Variants in PPP1R12B observed in about 807,000 individuals in gnomAD.
The protein encoded by PPP1R12B is myosin phosphatase target subunit 2.
A neutral mutation model predicts 126.1 loss-of-function variants in PPP1R12B; 76 were observed. That is an observed-to-expected ratio of 0.60 (90% CI 0.50 to 0.73). The LOEUF (loss-of-function observed/expected upper bound fraction) is 0.73, where lower values mean the gene tolerates loss of function less well. Among genes scored for constraint, PPP1R12B ranks in the 30% least tolerant of loss-of-function variants. The pLI is 0.00. For synonymous variants in PPP1R12B, 356 were observed against 434.7 expected (o/e 0.82, Z 2.25); for missense variants, 1,052 against 1,205.1 (o/e 0.87, Z 1.88).
intron 13 of PPP1R12B, among the ~76,000 whole-genome samples, chr1:202,462,357 A>C (rs1190867853): frequency 6.6e-6 from 1 of 152,070 alleles, no homozygotes; most frequent in Non-Finnish European, 1.5e-5. Context: ...ACACCATCTC[A>C]CTTCATTTTC....
At chr1:202,446,254 A>ATTTTTTTTT (rs879273755) in intron 12 of PPP1R12B, among the ~76,000 whole-genome samples, 4 of 47,188 alleles carry the variant, frequency 8.5e-5, no homozygotes, top group African/African-American at 2.0e-4. Flanking sequence ...ATATATATAT[A>ATTTTTTTTT]TATTTTTTTT....
chr1:202,538,720 A>G (rs749166108), intron 18 of PPP1R12B, among the ~76,000 whole-genome samples: 8 of 152,246 alleles, frequency 5.3e-5, no homozygotes, highest in Admixed American at 2.6e-4. Flanking sequence ...TGGTAACAAC[A>G]AAGTGCAAAA....
intron 1 of PPP1R12B, among the ~76,000 whole-genome samples, chr1:202,390,436 A>G (rs374139428): frequency 1.3e-5 from 2 of 152,344 alleles, no homozygotes; most frequent in South Asian, 2.1e-4. Context: ...AGGTTCTTAG[A>G]TATGTCACCA....
intron 1 of PPP1R12B, among the ~76,000 whole-genome samples, chr1:202,362,424 C>T (rs1261307485): frequency 6.6e-6 from 1 of 152,204 alleles, no homozygotes; most frequent in Non-Finnish European, 1.5e-5. Context: ...AGAGTTCCTA[C>T]AGCACAAGGA....
chr1:202,573,017 C>G (rs764122302), intron 23 of PPP1R12B, among the ~76,000 whole-genome samples: 4 of 152,204 alleles, frequency 2.6e-5, no homozygotes, highest in Admixed American at 1.3e-4. Flanking sequence ...TTTCATCATT[C>G]ATGTCTTTAA....
chr1:202,532,031 T>A (rs1394270216), intron 18 of PPP1R12B, among the ~76,000 whole-genome samples: 1 of 152,204 alleles, frequency 6.6e-6, no homozygotes, highest in African/African-American at 2.4e-5. Context: ...TTATGGTTAC[T>A]TCTTGATTAT....
chr1:202,567,043 C>T (rs777309684), intron 21 of PPP1R12B, among the ~76,000 whole-genome samples: 7 of 151,942 alleles, frequency 4.6e-5, no homozygotes, highest in South Asian at 2.1e-4. Context: ...TTTTTTTTGC[C>T]GTGAGGCTAA....
At chr1:202,412,029 T>C (rs1217069104) in intron 1 of PPP1R12B, among the ~76,000 whole-genome samples, 1 of 152,204 alleles carries the variant, frequency 6.6e-6, no homozygotes, top group Non-Finnish European at 1.5e-5. Context: ...ATTTAGACAG[T>C]TGGCCTCCTT....
chr1:202,371,858 C>CTTTTTTTTTTT (rs1193939057), intron 1 of PPP1R12B, among the ~76,000 whole-genome samples: 12 of 75,340 alleles, frequency 1.6e-4, no homozygotes, highest in East Asian at 4.4e-4. Flanking sequence ...ATTATAGTTT[C>CTTTTTTTTTTT]TTTTTTTTTT....
At chr1:202,545,535 C>T (rs949255158) in intron 18 of PPP1R12B, among the ~76,000 whole-genome samples, 2 of 152,170 alleles carry the variant, frequency 1.3e-5, no homozygotes, top group Admixed American at 1.3e-4. Context: ...ATTGTGAATC[C>T]TCCCACAACA....
intron 3 of PPP1R12B, among the ~76,000 whole-genome samples, chr1:202,424,250 T>A (rs762731323): frequency 7.2e-5 from 11 of 152,114 alleles, no homozygotes; most frequent in Non-Finnish European, 1.3e-4. Flanking sequence ...CTGATCTGAT[T>A]TAAATTGGTT....
chr1:202,548,808 C>CTCTCTCTCTCTCTCTCTA (rs1218548068), intron 18 of PPP1R12B, among the ~76,000 whole-genome samples: 1 of 72,970 alleles, frequency 1.4e-5, no homozygotes, highest in Non-Finnish European at 2.8e-5. Flanking sequence ...CTCTCTCTCT[C>CTCTCTCTCTCTCTCTCTA]TATATATATA....
At chr1:202,406,807 A>G (rs1210072506) in intron 1 of PPP1R12B, among the ~76,000 whole-genome samples, 1 of 152,218 alleles carries the variant, frequency 6.6e-6, no homozygotes, top group African/African-American at 2.4e-5. Context: ...GCTCTTATGT[A>G]CAGAATTTGT....
rs1218548068 is a variant in PPP1R12B, at chr1:202,548,808, C to CTCTCTCTATA, written c.2491-10068_2491-10067insCTCTCTATAT. 2.5e-4 allele frequency among the ~76,000 whole-genome samples: 18 copies of CTCTCTCTATA among 72,990 alleles called. No homozygotes were observed. The South Asian group carries it at 2.9e-3, about 12-fold the overall frequency. The allele number at this position is 72,990 out of a possible 152,430, so 47.9% of individuals were successfully genotyped here. On this transcript the variant is annotated intron_variant, in intron 18 of 23. Coordinates refer to ENST00000608999, the MANE Select transcript of PPP1R12B (RefSeq NM_002481.4). Reference sequence around the variant, plus strand: ...TCTCTCTCTCTCTCTCTCTCTCTCTCTATATATATATATATATATATATAT... The same window carrying CTCTCTCTATA: ...TCTCTCTCTCTCTCTCTCTCTCTCTCTCTCTCTATATATATATATATATATATATATATAT...
At chr1:202,473,450 C>G (rs1436467602) in intron 13 of PPP1R12B, among the ~76,000 whole-genome samples, 1 of 152,204 alleles carries the variant, frequency 6.6e-6, no homozygotes, top group Non-Finnish European at 1.5e-5. Context: ...GCCTGAGCCT[C>G]AAGTGAGGCA....
At chr1:202,481,314 T>A (rs1677332577) in intron 13 of PPP1R12B, among the ~76,000 whole-genome samples, 2 of 152,148 alleles carry the variant, frequency 1.3e-5, no homozygotes, top group African/African-American at 4.8e-5. Context: ...AAGAAAAATA[T>A]CTCCCGATTA....
At chr1:202,406,592 G>A (rs1284659609) in intron 1 of PPP1R12B, among the ~76,000 whole-genome samples, 3 of 152,188 alleles carry the variant, frequency 2.0e-5, no homozygotes, top group Non-Finnish European at 4.4e-5. Context: ...GTGGTTCTGT[G>A]ACTGAATATA....
intron 1 of PPP1R12B, among the ~76,000 whole-genome samples, chr1:202,373,511 G>A (rs765623331): frequency 6.6e-6 from 1 of 152,042 alleles, no homozygotes; most frequent in Non-Finnish European, 1.5e-5. Flanking sequence ...TGAGCTAGGG[G>A]GGTCCATCTT....
chr1:202,409,530 C>G (rs1667114385), intron 1 of PPP1R12B, among the ~76,000 whole-genome samples: 1 of 152,056 alleles, frequency 6.6e-6, no homozygotes, highest in Admixed American at 6.6e-5. Flanking sequence ...CCATGTTGGC[C>G]AGGATGGTCT....
Sources: allele counts gnomAD v4.1 joint callset (sites outside exome capture counted in the v4.1 genomes callset), GRCh38; gene constraint gnomAD v4.1.1; transcripts MANE v1.5; gene names NCBI Gene and HGNC (gene_info 2026-07-23, HGNC 2026-07-21).